Variants in JMJD6 observed in about 807,000 individuals in gnomAD.
JMJD6 encodes bifunctional arginine demethylase and lysyl-hydroxylase JMJD6.
Under a neutral mutation model 45.8 loss-of-function variants are expected in JMJD6, and 17 were observed. The ratio of observed to expected loss-of-function variants is 0.37; its 90% confidence interval spans 0.25 to 0.56. The LOEUF is 0.56. Among genes scored for constraint, JMJD6 ranks in the 20% least tolerant of loss-of-function variants. JMJD6 has a pLI of 0.79. For missense variants in JMJD6, 470 were observed against 517.5 expected, an observed-to-expected ratio of 0.91 and a Z score of 0.89; for synonymous variants, 221 against 196.3, an observed-to-expected ratio of 1.13 and a Z score of -1.05.
chr17:76,725,998 C>T, intron 1 of JMJD6, 143 bp from the exon 2 acceptor site: 1 of 1,122,076 alleles, frequency 8.9e-7, no homozygotes, highest in Non-Finnish European at 1.2e-6. Flanking sequence ...GGGCAGGGCG[C>T]GTGCGTGAGG....
At chr17:76,716,792 A>G, downstream of JMJD6, 2 of 1,570,944 alleles carry the variant, frequency 1.3e-6, no homozygotes, top group East Asian at 2.2e-5. Flanking sequence ...CTGGAAGGCA[A>G]TGTTAAAAGC....
In JMJD6 at chr17:76,726,406, G is replaced by A; in HGVS notation, c.70C>T (p.Leu24=). The change falls in exon 1 of 6, where the codon CTG becomes TTG. Residue 24 remains leucine (L), a synonymous_variant. Coordinates refer to ENST00000397625, the MANE Select transcript of JMJD6 (RefSeq NM_015167.3). ...RSARPELKDS[L]DWTRHNYYES... ...TAGTAGTTGTGCCGGGTCCAATCCAGCGAGTCCTTGAGCTCCGGCCGCGCA... is the reference window on the plus strand; with the variant it reads ...TAGTAGTTGTGCCGGGTCCAATCCAACGAGTCCTTGAGCTCCGGCCGCGCA... 1 of 1,605,616 alleles carries A rather than the reference G, an allele frequency of 6.2e-7. No homozygotes were observed.
chr17:76,720,627 A>G (rs2076811781), intron 4 of JMJD6, 129 bp from the exon 5 acceptor site: 2 of 856,522 alleles, frequency 2.3e-6, no homozygotes, highest in Non-Finnish European at 3.8e-6. Flanking sequence ...CAGAATGGAT[A>G]CTGTACAATG....
intron 2 of JMJD6, 128 bp downstream of exon 2, chr17:76,725,339 G>C (rs1304633623): frequency 1.4e-5 from 12 of 863,690 alleles, no homozygotes; most frequent in African/African-American, 7.0e-5. Flanking sequence ...TCGGGAGATG[G>C]AGGTTGCTGT....
downstream of JMJD6, chr17:76,715,816 G>C (rs917388150): frequency 6.6e-6 from 1 of 152,208 alleles, no homozygotes; most frequent in Non-Finnish European, 1.5e-5. Flanking sequence ...TAGTTATTTA[G>C]AAGTATCAAC....
Position 76,725,859 on chromosome 17 carries a change from A to T in JMJD6, c.130-4T>A, listed in dbSNP as rs773196448. On this transcript the variant is annotated splice_region_variant and splice_polypyrimidine_tract_variant and intron_variant, in intron 1 of 5. Coordinates refer to ENST00000397625, the MANE Select transcript of JMJD6 (RefSeq NM_015167.3). ...CATCTGCCCTTTCCACGTTATCCTG[A>T]GGGAATTAAAAAAGACCTGTCCAGT... 19 of 1,586,514 alleles carry T rather than the reference A, an allele frequency of 1.2e-5. No individual in the cohort carries two copies. The highest frequency in any genetic ancestry group is 1.6e-5 in the Non-Finnish European group (19 of 1,171,522).
At chr17:76,725,926 C>T (rs2076916001) in intron 1 of JMJD6, 71 bp from the exon 2 acceptor site, 1 of 1,491,256 alleles carries the variant, frequency 6.7e-7, no homozygotes, top group African/African-American at 1.4e-5. Flanking sequence ...AGGGTGTCCC[C>T]AAGGCCAACT....
At chr17:76,716,715 CCCTAATCCTGCCAAGGAAAGCACAACTG>C (rs772144914), downstream of JMJD6, 1 of 1,614,106 alleles carries the variant, frequency 6.2e-7, no homozygotes, top group South Asian at 1.1e-5. Flanking sequence ...CCACAAGTGT[CCCTAATCCTGCCAAGGAAAGCACAACTG>C]CCTGTAATCA....
chr17:76,718,054 T>C (rs541481221), downstream of JMJD6, among the ~76,000 whole-genome samples: 120 of 150,412 alleles, frequency 8.0e-4, no homozygotes, highest in Middle Eastern at 0.01. Context: ...TCCCAGCTAC[T>C]TGGGAGGCTG....
rs748445850 is a variant in JMJD6 at position 76,721,795 on chromosome 17, C to T, written c.941+3G>A. 13 of 1,613,550 alleles carry T rather than the reference C, an allele frequency of 8.1e-6. No homozygotes were observed. The highest frequency in any genetic ancestry group is 6.7e-5 in the Admixed American group (4 of 59,934). ...GCAGAAATAAGAAAAAAATGACTCT[C>T]ACCTATACCATTTCCTTGATAACTT... is the stretch of plus-strand genomic sequence containing the variant. On this transcript the variant is annotated splice_donor_region_variant and intron_variant, in intron 4 of 5. Coordinates refer to ENST00000397625, the MANE Select transcript of JMJD6 (RefSeq NM_015167.3).
At chr17:76,724,336 G>A (rs1395030427) in intron 2 of JMJD6, among the ~76,000 whole-genome samples, 1 of 151,736 alleles carries the variant, frequency 6.6e-6, no homozygotes, top group East Asian at 2.0e-4. Flanking sequence ...TGCCTAGGCT[G>A]GTCTCGAACT....
chr17:76,716,742 T>C (rs1249536651), downstream of JMJD6: 10 of 1,613,894 alleles, frequency 6.2e-6, no homozygotes, highest in South Asian at 8.8e-5. Flanking sequence ...AAAGCACAAC[T>C]GCCTGTAATC....
At chr17:76,717,101 C>G (rs1337719122), downstream of JMJD6, among the ~76,000 whole-genome samples, 1 of 152,078 alleles carries the variant, frequency 6.6e-6, no homozygotes, top group African/African-American at 2.4e-5. Context: ...TGCACTTCCC[C>G]CATGCATTTA....
chr17:76,721,893 G>T lies in JMJD6; in HGVS notation c.846C>A (p.Ile282=). ...TGCTGGCAAAATTTTGGGTGATGGCGATAGTAGTGTCGAGATTGAGGACAA... is the reference window on the plus strand; with the variant it reads ...TGCTGGCAAAATTTTGGGTGATGGCTATAGTAGTGTCGAGATTGAGGACAA... ...WHVVLNLDTT[I]AITQNFASST... is the part of the protein sequence containing the mutation. Residue 282 remains isoleucine (I), a synonymous_variant, in exon 4 of 6, where the codon ATC becomes ATA. Coordinates refer to ENST00000397625, the MANE Select transcript of JMJD6 (RefSeq NM_015167.3). 3 of 1,614,130 alleles carry T rather than the reference G, an allele frequency of 1.9e-6. No homozygotes were observed. The highest frequency in any genetic ancestry group is 2.5e-6 in the Non-Finnish European group (3 of 1,179,998).
chr17:76,723,580 A>G (rs1409538301), intron 3 of JMJD6, among the ~76,000 whole-genome samples, 192 bp downstream of exon 3: 1 of 151,742 alleles, frequency 6.6e-6, no homozygotes, highest in Non-Finnish European at 1.5e-5. Context: ...GGCTGGGACT[A>G]TAGGCGCCCA....
At chr17:76,717,500 T>G (rs142155388), downstream of JMJD6, among the ~76,000 whole-genome samples, 3 of 152,318 alleles carry the variant, frequency 2.0e-5, no homozygotes, top group East Asian at 5.8e-4. Flanking sequence ...CAAACACGTT[T>G]AAATTTTAAC....
At position 76,726,470 on chromosome 17, in the gene JMJD6, G is replaced by A. The variant is rs759080580; in HGVS notation, c.6C>T (p.Asn2=). 25 of 1,599,990 alleles carry A rather than the reference G, an allele frequency of 1.6e-5. No homozygotes were observed. The highest frequency in any genetic ancestry group is 2.1e-5 in the Non-Finnish European group (25 of 1,174,144). Residue 2 remains asparagine, a synonymous_variant, in exon 1 of 6, where the codon AAC becomes AAT. Transcript: ENST00000397625. The part of the protein sequence containing the change: M[N]HKSKKRIREA... ...CGCGGATGCGCTTCTTGCTCTTGTGGTTCATTCTGCGGGGTCGCCAGCTGG... is the reference window on the plus strand; with the variant it reads ...CGCGGATGCGCTTCTTGCTCTTGTGATTCATTCTGCGGGGTCGCCAGCTGG...
In JMJD6 at chr17:76,718,680, TG is replaced by T. The variant is rs2076787140; in HGVS notation, c.*48del. ...TGGACAGGCCACCCTCCCCAGGCCC[TG>T]CCCTTGCCGCGAGCGTGTCCTTCCA... On this transcript the variant is annotated 3_prime_UTR_variant, in exon 6 of 6. Transcript: ENST00000397625. 6.3e-7 allele frequency: 1 copy of T among 1,596,234 alleles called. No individual in the cohort carries two copies. The highest frequency in any genetic ancestry group is 1.1e-5 in the South Asian group (1 of 87,624).
chr17:76,715,180 G>C (rs1323635625), downstream of JMJD6: 2 of 152,192 alleles, frequency 1.3e-5, no homozygotes, highest in Non-Finnish European at 2.9e-5. Flanking sequence ...TAGATGGCAA[G>C]AAAAGTCTTT....
Sources: allele counts gnomAD v4.1 joint callset (sites outside exome capture counted in the v4.1 genomes callset), GRCh38; gene constraint gnomAD v4.1.1; transcripts MANE v1.5; gene names NCBI Gene and HGNC (gene_info 2026-07-23, HGNC 2026-07-21).